Variants in NAV1 observed in about 807,000 individuals in gnomAD.
NAV1 encodes the protein neuron navigator 1.
Under a neutral mutation model 175.2 loss-of-function variants are expected in NAV1, and 18 were observed. That is an observed-to-expected ratio of 0.10 (90% CI 0.07 to 0.15). The LOEUF is 0.15. Ranked by LOEUF, NAV1 falls within the 10% of genes least tolerant of loss-of-function variation. The pLI is 1.00. For missense variants in NAV1, 1,731 were observed against 2,436.6 expected (o/e 0.71, Z 6.10); for synonymous variants, 897 against 978.7 (o/e 0.92, Z 1.56).
At chr1:201,669,752 G>A (rs1669963702) in intron 1 of NAV1, among the ~76,000 whole-genome samples, 1 of 152,166 alleles carries the variant, frequency 6.6e-6, no homozygotes, top group South Asian at 2.1e-4. Context: ...CATTGCAGAT[G>A]TGAGGGTTGG....
At chr1:201,570,824 A>G (rs1666518555) in intron 1 of NAV1, among the ~76,000 whole-genome samples, 1 of 152,232 alleles carries the variant, frequency 6.6e-6, no homozygotes, top group African/African-American at 2.4e-5. Flanking sequence ...GGCTGCCTCC[A>G]CACATTCTCC....
At chr1:201,648,568 C>CCCT in exon 1 of NAV1, 2 of 1,261,560 alleles carry the variant, frequency 1.6e-6, no homozygotes, top group Non-Finnish European at 2.0e-6. Context: ...CTCTCTCTCC[C>CCCT]CCTCCTCCTC....
At chr1:201,783,568 C>T (rs375396104) in exon 7 of NAV1, 3 of 1,614,046 alleles carry the variant, frequency 1.9e-6, no homozygotes, top group Non-Finnish European at 2.5e-6. Flanking sequence ...TCCCTTCCTG[C>T]TTCACCCCCA....
upstream of NAV1, among the ~76,000 whole-genome samples, chr1:201,622,424 T>C (rs1226322001): frequency 3.9e-5 from 6 of 152,060 alleles, no homozygotes; most frequent in African/African-American, 1.4e-4. Flanking sequence ...GGAAGGAACA[T>C]GCAGGGCAGA....
At chr1:201,556,859 C>T (rs1370649896) in intron 1 of NAV1, among the ~76,000 whole-genome samples, 2 of 152,172 alleles carry the variant, frequency 1.3e-5, no homozygotes, top group Non-Finnish European at 2.9e-5. Context: ...CAATGGAGAG[C>T]CCTAGAAAAT....
chr1:201,592,118 G>T (rs1397424824), intron 2 of NAV1, among the ~76,000 whole-genome samples: 1 of 152,158 alleles, frequency 6.6e-6, no homozygotes, highest in Admixed American at 6.5e-5. Context: ...GGCTTCTGTG[G>T]TGTGGGAAGC....
At chr1:201,737,081 C>A (rs1673146114) in intron 3 of NAV1, among the ~76,000 whole-genome samples, 1 of 152,174 alleles carries the variant, frequency 6.6e-6, no homozygotes, top group Admixed American at 6.5e-5. Flanking sequence ...CCTTCAAGCG[C>A]AGAAGCTCCC....
intron 1 of NAV1, among the ~76,000 whole-genome samples, chr1:201,541,272 G>C (rs1382310331): frequency 6.6e-6 from 1 of 152,070 alleles, no homozygotes; most frequent in Non-Finnish European, 1.5e-5. Context: ...AATAGAATTG[G>C]GGAGAAAAAC....
intron 1 of NAV1, among the ~76,000 whole-genome samples, chr1:201,702,196 A>G (rs986808442): frequency 6.6e-6 from 1 of 152,190 alleles, no homozygotes; most frequent in Non-Finnish European, 1.5e-5. Context: ...AGAGACAGAA[A>G]GTAGATTGGT....
chr1:201,550,305 G>A (rs1436441446), intron 1 of NAV1, among the ~76,000 whole-genome samples: 1 of 151,946 alleles, frequency 6.6e-6, no homozygotes, highest in African/African-American at 2.4e-5. Flanking sequence ...CTAAACAGCT[G>A]GGACCACAGG....
At chr1:201,625,007 C>T (rs953385474) in intron 1 of NAV1, among the ~76,000 whole-genome samples, 5 of 152,132 alleles carry the variant, frequency 3.3e-5, no homozygotes, top group Non-Finnish European at 5.9e-5. Context: ...CAGGACTAGG[C>T]CTTTGGAGTT....
At chr1:201,679,049 G>T (rs529071719) in intron 1 of NAV1, among the ~76,000 whole-genome samples, 6 of 152,002 alleles carry the variant, frequency 3.9e-5, no homozygotes, top group African/African-American at 9.7e-5. Context: ...GCTATTTACT[G>T]GGGGGGAGAC....
rs548006904 is a variant in NAV1 at position 201,566,843 on chromosome 1, G to A, written c.-143-21696G>A. On this transcript the variant is annotated intron_variant, in intron 1 of 33. Coordinates refer to the NAV1 transcript ENST00000685211. The stretch of plus-strand genomic sequence containing the variant: ...GGTTTGTCTACCTGAGATCATACTC[G>A]GCCTACCATTTTGTATTTTTGCTTT... 3.3e-5 allele frequency among the ~76,000 whole-genome samples: 5 copies of A among 151,346 alleles called. No homozygotes were observed. The East Asian group carries it at 7.8e-4, about 24-fold the overall frequency.
At chr1:201,734,566 G>A (rs1047513907) in intron 3 of NAV1, among the ~76,000 whole-genome samples, 4 of 142,094 alleles carry the variant, frequency 2.8e-5, no homozygotes, top group African/African-American at 1.1e-4. Flanking sequence ...CATTGTATGA[G>A]GTTTCATTTG....
At chr1:201,540,404 C>A (rs1307092657) in intron 1 of NAV1, among the ~76,000 whole-genome samples, 2 of 152,182 alleles carry the variant, frequency 1.3e-5, no homozygotes, top group African/African-American at 4.8e-5. Flanking sequence ...CCTGTGGGCA[C>A]GTTCGTTCAC....
chr1:201,612,590 G>A (rs1181937779), intron 2 of NAV1, among the ~76,000 whole-genome samples: 2 of 152,210 alleles, frequency 1.3e-5, no homozygotes, highest in Non-Finnish European at 2.9e-5. Context: ...ACATCTGTGT[G>A]TCCTCACGTG....
chr1:201,581,710 TC>T (rs990489896), intron 1 of NAV1, among the ~76,000 whole-genome samples: 2 of 151,820 alleles, frequency 1.3e-5, no homozygotes, highest in African/African-American at 4.8e-5. Context: ...GCGCCTGTTA[TC>T]CCAGCTACTC....
intron 8 of NAV1, 77 bp from the exon 13 acceptor site, chr1:201,786,352 C>T: frequency 6.9e-7 from 1 of 1,445,512 alleles, no homozygotes; most frequent in Non-Finnish European, 9.5e-7. Context: ...CAGCCTAGTT[C>T]AGACACCCTC....
chr1:201,642,694 TTCTC>T (rs113181447), intron 2 of NAV1, among the ~76,000 whole-genome samples: 6 of 140,894 alleles, frequency 4.3e-5, no homozygotes, highest in Non-Finnish European at 6.0e-5. Flanking sequence ...CTTCCCTTTC[TTCTC>T]TCTCTTTCTT....
Sources: gnomAD v4.1 joint callset for allele counts (sites outside exome capture counted in the v4.1 genomes callset) on GRCh38, gnomAD v4.1.1 for gene constraint, MANE v1.5 for transcripts, NCBI Gene and HGNC (gene_info 2026-07-23, HGNC 2026-07-21) for gene names.